LINGO1: variants seen among roughly 807,000 people sequenced by gnomAD.
LINGO1 encodes the protein leucine rich repeat and Ig domain containing 1, also known as leucine-rich repeat and immunoglobulin-like domain-containing nogo receptor-interacting protein 1.
A neutral mutation model predicts 37.3 loss-of-function variants in LINGO1; 11 were observed. The observed-to-expected ratio is 0.29, with a 90% CI of 0.19 to 0.49. The LOEUF is 0.49. Ranked by LOEUF, LINGO1 falls within the 20% of genes least tolerant of loss-of-function variation. The pLI, the probability that LINGO1 is intolerant of heterozygous loss-of-function variation, is 0.99. For synonymous variants in LINGO1, 387 were observed against 403.0 expected, an observed-to-expected ratio of 0.96 and a Z score of 0.48; for missense variants, 585 against 878.2, an observed-to-expected ratio of 0.67 and a Z score of 4.22.
At chr15:77,680,633 G>A (rs917746371) in intron 2 of LINGO1, among the ~76,000 whole-genome samples, 2 of 152,140 alleles carry the variant, frequency 1.3e-5, no homozygotes, top group African/African-American at 4.8e-5. Flanking sequence ...GCTGAGGCAG[G>A]TAGTGGCATC....
At chr15:77,757,613 C>T (rs139832239) in intron 1 of LINGO1, among the ~76,000 whole-genome samples, 5 of 152,300 alleles carry the variant, frequency 3.3e-5, no homozygotes, top group African/African-American at 1.2e-4. Context: ...GGTTCTATTC[C>T]CTCCATGGAC....
upstream of LINGO1, among the ~76,000 whole-genome samples, chr15:77,700,405 G>A (rs1013737358): frequency 2.6e-5 from 4 of 152,218 alleles, no homozygotes; most frequent in African/African-American, 9.6e-5. Context: ...TCTGTGAAAT[G>A]GGATTTCTCT....
chr15:77,664,170 T>TGTGTGTGTGTGTGTGCGCGCGCGC, intron 3 of LINGO1, among the ~76,000 whole-genome samples: 108 of 130,976 alleles, frequency 8.2e-4, no homozygotes, highest in Middle Eastern at 3.6e-3. Context: ...TGTGTGTGTG[T>TGTGTGTGTGTGTGTGCGCGCGCGC]GCGCGCGCGC....
chr15:77,819,200 C>T (rs900873349), intron 1 of LINGO1: 6 of 149,324 alleles, frequency 4.0e-5, no homozygotes, highest in African/African-American at 1.5e-4. Flanking sequence ...GGCGGGCAGA[C>T]ACACCGGCTC....
chr15:77,648,161 C>A (rs149190732), intron 3 of LINGO1: 1 of 335,636 alleles, frequency 3.0e-6, no homozygotes, highest in Non-Finnish European at 5.8e-6. Context: ...GACTGAGTCC[C>A]AAGATCACCC....
chr15:77,792,904 G>A (rs1035809038), intron 2 of LINGO1, among the ~76,000 whole-genome samples: 2 of 152,202 alleles, frequency 1.3e-5, no homozygotes, highest in Non-Finnish European at 2.9e-5. Context: ...ACACCCATAG[G>A]TGATCCCAAC....
At chr15:77,742,463 G>T (rs879540695) in intron 1 of LINGO1, among the ~76,000 whole-genome samples, 5 of 152,180 alleles carry the variant, frequency 3.3e-5, no homozygotes, top group Non-Finnish European at 5.9e-5. Flanking sequence ...TTTCCAGAGG[G>T]GAAACTAAGG....
intron 2 of LINGO1, among the ~76,000 whole-genome samples, chr15:77,718,648 G>C (rs2076013570): frequency 6.6e-6 from 1 of 150,910 alleles, no homozygotes; most frequent in African/African-American, 2.4e-5. Context: ...GAAAGAGGCA[G>C]GGGTCTAGGG....
intron 3 of LINGO1, among the ~76,000 whole-genome samples, chr15:77,674,236 A>G (rs771381347): frequency 6.6e-6 from 1 of 152,120 alleles, no homozygotes; most frequent in Non-Finnish European, 1.5e-5. Context: ...CCTTGAGCAT[A>G]CATGTGGAAT....
At chr15:77,748,094 T>C (rs11072669) in intron 1 of LINGO1, among the ~76,000 whole-genome samples, 77,668 of 152,152 alleles carry the variant, frequency 0.51, 19,914 homozygotes, top group Admixed American at 0.56. Flanking sequence ...GTGGTTGCCC[T>C]TTTGAGGCAC....
chr15:77,776,923 G>A (rs1300854826), intron 1 of LINGO1, among the ~76,000 whole-genome samples: 2 of 152,190 alleles, frequency 1.3e-5, no homozygotes, highest in Non-Finnish European at 2.9e-5. Flanking sequence ...CAGCTTCTAG[G>A]TGGAAAAGCA....
intron 2 of LINGO1, among the ~76,000 whole-genome samples, chr15:77,686,814 T>C (rs1039981429): frequency 1.3e-5 from 2 of 152,154 alleles, no homozygotes; most frequent in Non-Finnish European, 2.9e-5. Flanking sequence ...TCCCTGCCAG[T>C]CCCCTGGGCC....
upstream of LINGO1, among the ~76,000 whole-genome samples, chr15:77,696,731 T>G (rs1274580559): frequency 6.6e-6 from 1 of 152,208 alleles, no homozygotes; most frequent in Non-Finnish European, 1.5e-5. Flanking sequence ...CCGTTTCCAG[T>G]GGCTGAGTAG....
intron 3 of LINGO1, among the ~76,000 whole-genome samples, chr15:77,675,953 C>T (rs2075320315): frequency 6.6e-6 from 1 of 152,208 alleles, no homozygotes; most frequent in Non-Finnish European, 1.5e-5. Flanking sequence ...TTCCTGGTTC[C>T]TTTCACAGCT....
intron 1 of LINGO1, among the ~76,000 whole-genome samples, chr15:77,797,131 G>A (rs2076880422): frequency 6.6e-6 from 1 of 152,200 alleles, no homozygotes; most frequent in African/African-American, 2.4e-5. Flanking sequence ...CCATGGTGCA[G>A]GACATAACCT....
At chr15:77,634,164 G>A (rs1401685724), upstream of LINGO1, 1 of 439,928 alleles carries the variant, frequency 2.3e-6, no homozygotes, top group Non-Finnish European at 4.6e-6. Context: ...GGAAGCCTGC[G>A]CAACATCATT....
chr15:77,641,821 T>C, intron 3 of LINGO1: 1 of 455,572 alleles, frequency 2.2e-6, no homozygotes, highest in South Asian at 1.6e-5. Flanking sequence ...TGGACAAACC[T>C]GCGACAGAGG....
At chr15:77,633,901 T>C (rs2074340796), upstream of LINGO1, among the ~76,000 whole-genome samples, 1 of 152,168 alleles carries the variant, frequency 6.6e-6, no homozygotes, top group African/African-American at 2.4e-5. Flanking sequence ...TTCCCTATAC[T>C]ACCCCCTCCA....
intron 2 of LINGO1, chr15:77,734,973 C>G (rs914800827): frequency 6.6e-6 from 1 of 152,412 alleles, no homozygotes; most frequent in African/African-American, 2.4e-5. Flanking sequence ...CCAACACAGA[C>G]AGCAGCTGCT....
Sources: allele counts gnomAD v4.1 joint callset (sites outside exome capture counted in the v4.1 genomes callset), GRCh38; gene constraint gnomAD v4.1.1; transcripts MANE v1.5; gene names NCBI Gene and HGNC (gene_info 2026-07-23, HGNC 2026-07-21).